TRIM25: variants seen among roughly 807,000 people sequenced by gnomAD.
The protein encoded by TRIM25 is E3 ubiquitin/ISG15 ligase TRIM25.
TRIM25 carries 45 observed loss-of-function variants against 65.2 expected under a neutral mutation model. That is an observed-to-expected ratio of 0.69 (90% CI 0.54 to 0.89). The LOEUF is 0.89. Among genes scored for constraint, TRIM25 ranks in the 40% least tolerant of loss-of-function variants. The probability of loss-of-function intolerance (pLI) is 0.00; values close to 1 mark genes in which losing one functional copy is unlikely to be tolerated. For synonymous variants in TRIM25, 321 were observed against 340.4 expected (o/e 0.94, Z 0.63); for missense variants, 714 against 803.7 (o/e 0.89, Z 1.35).
rs1443454128 is a variant in TRIM25 at position 56,901,530 on chromosome 17, C to T, written c.976G>A (p.Glu326Lys). Residue 326 changes from glutamate (E) to lysine (K), a missense_variant, in exon 4 of 9, where the codon GAG (glutamate) becomes AAG (lysine). Glu to Lys is a moderately conservative substitution (Grantham distance 56). Around this residue, in one of 3 missense-constraint regions of TRIM25, gnomAD observed 413 missense variants for 498.2 expected, o/e 0.83. Transcript: ENST00000316881. The stretch of plus-strand genomic sequence containing the variant: ...ATCAGCTTGTGGTTCAGTTCCACCT[C>T]GGGGATGTAGACTGGCTTTGTTGAG... The part of the protein sequence containing the change: ...GISTKPVYIP[E>K]VELNHKLIKG... The T allele has an allele frequency of 1.2e-6, 2 of 1,614,078 alleles. No individual in the cohort carries two copies. Among genetic ancestry groups the T allele is most frequent in the Non-Finnish European group, 1.7e-6 (2 of 1,180,016 alleles).
chr17:56,908,551 G>A lies in TRIM25; in HGVS notation c.610C>T (p.His204Tyr). The change falls in exon 2 of 9, where the codon CAC (histidine) becomes TAC (tyrosine). Residue 204 changes from histidine to tyrosine, a missense_variant. His to Tyr is a moderately conservative substitution (Grantham distance 83). Coordinates refer to ENST00000316881, the MANE Select transcript of TRIM25 (RefSeq NM_005082.5). Reference protein sequence around the residue: ...ASADLEATLRHKLTVMYSQIN... With the variant: ...ASADLEATLRYKLTVMYSQIN... Reference sequence around the variant, plus strand: ...TGACTGTACATGACAGTTAGTTTGTGCCTCAGGGTGGCCTGCAGGGAAAAC... The same window carrying A: ...TGACTGTACATGACAGTTAGTTTGTACCTCAGGGTGGCCTGCAGGGAAAAC... The A allele has an allele frequency of 1.2e-6, 2 of 1,613,790 alleles. No individual in the cohort carries two copies. Among genetic ancestry groups the A allele is most frequent in the Admixed American group, 3.3e-5 (2 of 60,012 alleles).
Position 56,895,997 on chromosome 17 carries a change from A to G in TRIM25, c.1154-45T>C, listed in dbSNP as rs574341997. ...GATTTAATTTCTTTTAAGGCACAAC[A>G]CAATGACATTTTCAAAATAATAACA... On this transcript the variant is annotated intron_variant, in intron 5 of 8. Transcript: ENST00000316881. The G allele has an allele frequency of 3.8e-6, 6 of 1,570,960 alleles. No homozygotes were observed. The African/African-American group carries it at 5.5e-5, about 14-fold the overall frequency.
chr17:56,902,012 T>C (rs1909421767), intron 3 of TRIM25, among the ~76,000 whole-genome samples: 2 of 152,282 alleles, frequency 1.3e-5, no homozygotes, highest in East Asian at 1.9e-4. Context: ...GGGATGTGGA[T>C]TGCAGCCAGG....
rs1260632100 is a variant in TRIM25 at position 56,904,376 on chromosome 17, C to T, written c.806G>A (p.Arg269Lys). ...AATGGTGTCAAACTTGCTGTTGACC[C>T]TCTTCTCCTCTTCCTTTATCTTCCT... ...STRKIKEEEK[R>K]VNSKFDTIYQ... The change falls in exon 3 of 9, where the codon AGG becomes AAG. Residue 269 changes from arginine (R) to lysine (K), a missense_variant. Arg to Lys is a conservative substitution (Grantham distance 26). This residue lies in a region of TRIM25 where 413 missense variants were observed against 498.2 expected (regional missense o/e 0.83). Transcript: ENST00000316881. The T allele has an allele frequency of 1.2e-6, 2 of 1,614,000 alleles. No individual in the cohort carries two copies. The highest frequency in any genetic ancestry group is 1.7e-6 in the Non-Finnish European group (2 of 1,180,034).
chr17:56,913,424 C>T lies in TRIM25; in HGVS notation c.565G>A (p.Ala189Thr). Residue 189 changes from alanine to threonine, a missense_variant, in exon 1 of 9, where the codon GCG (alanine) becomes ACG (threonine). Coordinates refer to ENST00000316881, the MANE Select transcript of TRIM25 (RefSeq NM_005082.5). The surrounding 1 kb of genome is among the most constrained non-coding windows in gnomAD (Gnocchi z 6.1). ...TCGGCGCTGGCCTGGCTCAGGGACG[C>T]GGGAGAGCAGGTCTTATGCTCCACC... ...CLVEHKTCSPASLSQASADLE... is the reference protein window; with the variant it reads ...CLVEHKTCSPTSLSQASADLE... The T allele has an allele frequency of 1.3e-6, 2 of 1,589,356 alleles. No individual in the cohort carries two copies. Among genetic ancestry groups the T allele is most frequent in the Non-Finnish European group, 1.7e-6 (2 of 1,164,084 alleles).
At chr17:56,893,983 C>T (rs1488771629) in intron 8 of TRIM25, among the ~76,000 whole-genome samples, 1 of 152,146 alleles carries the variant, frequency 6.6e-6, no homozygotes, top group Non-Finnish European at 1.5e-5. Context: ...ACATTGCAAC[C>T]CTGGGCAGCC....
chr17:56,898,844 C>G (rs1909351612), intron 5 of TRIM25: 1 of 396,748 alleles, frequency 2.5e-6, no homozygotes, highest in South Asian at 3.3e-5. Context: ...GCCCAAGGCT[C>G]TGCCCAAGGA....
intron 3 of TRIM25, among the ~76,000 whole-genome samples, chr17:56,902,618 G>C (rs1285261204): frequency 6.6e-6 from 1 of 152,244 alleles, no homozygotes; most frequent in African/African-American, 2.4e-5. Context: ...GCATGAGCCA[G>C]GGATGGATGA....
intron 5 of TRIM25, among the ~76,000 whole-genome samples, chr17:56,896,627 C>T (rs1023747408): frequency 6.6e-6 from 1 of 151,264 alleles, no homozygotes; most frequent in African/African-American, 2.4e-5. Context: ...TGTGTTCTTG[C>T]CACTGCACTC....
At position 56,895,352 on chromosome 17, in the gene TRIM25, G is replaced by A; in HGVS notation, c.1354C>T (p.Leu452Phe). The A allele has an allele frequency of 4.3e-6, 7 of 1,613,924 alleles. No homozygotes were observed. The highest frequency in any genetic ancestry group is 5.9e-6 in the Non-Finnish European group (7 of 1,179,844). Residue 452 changes from leucine to phenylalanine, a missense_variant, in exon 8 of 9, where the codon CTC becomes TTC. Coordinates refer to ENST00000316881, the MANE Select transcript of TRIM25 (RefSeq NM_005082.5). ...ETFLAKSRPE[L>F]LEYYIKVILD... The stretch of plus-strand genomic sequence containing the variant: ...CCCCGAAGCTACTCACACTCCAGGA[G>A]CTCAGGTCTGGACTTGGCCAGGAAG...
At chr17:56,894,174 G>A (rs147894614) in intron 8 of TRIM25, among the ~76,000 whole-genome samples, 15 of 152,342 alleles carry the variant, frequency 9.8e-5, no homozygotes, top group Non-Finnish European at 1.6e-4. Flanking sequence ...TAAACATACA[G>A]CTTTCCGTGC....
rs1033537260 is a variant in TRIM25 at position 56,899,045 on chromosome 17, G to A, written c.1153+70C>T. The stretch of plus-strand genomic sequence containing the variant: ...CACAGTGACTCGGGATGGGCCGGAA[G>A]TGACTTGGCCAGAGCCTGGGGAGGC... On this transcript the variant is annotated intron_variant, in intron 5 of 8. Transcript: ENST00000316881. 8 of 1,576,466 alleles carry A rather than the reference G, an allele frequency of 5.1e-6. No homozygotes were observed. The African/African-American group carries it at 6.7e-5, about 13-fold the overall frequency.
rs746828334 is a variant in TRIM25, at chr17:56,895,455, CAG to C, written c.1265-16_1265-15del. Reference sequence around the variant, plus strand: ...CTTTGGCTGCAGCTGGGAGAGGAAACAGAGAGTGATTTGCAGAACAAACTCAG... The same window carrying C: ...CTTTGGCTGCAGCTGGGAGAGGAAACAGAGTGATTTGCAGAACAAACTCAG... On this transcript the variant is annotated splice_polypyrimidine_tract_variant and intron_variant, in intron 7 of 8. Transcript: ENST00000316881. The C allele has an allele frequency of 1.1e-5, 17 of 1,613,954 alleles. No homozygotes were observed. The highest frequency in any genetic ancestry group is 3.3e-5 in the Admixed American group (2 of 60,004).
rs934814902 is a variant in TRIM25, at chr17:56,889,672, T to C, written c.*2028A>G. On this transcript the variant is annotated 3_prime_UTR_variant, in exon 9 of 9. Transcript: ENST00000316881. ...ATTTGCCAGGGAAGTGGCCTCACTG[T>C]TGCCCTCATTTCTGCAGAAGAGAGC... is the stretch of plus-strand genomic sequence containing the variant. 4.0e-5 allele frequency: 16 copies of C among 398,396 alleles called. No homozygotes were observed. The highest frequency in any genetic ancestry group is 6.6e-5 in the Non-Finnish European group (15 of 226,034). The allele number at this position is 398,396 out of a possible 1,614,324, so 24.7% of individuals were successfully genotyped here.
chr17:56,892,600 T>C (rs1909204777), intron 8 of TRIM25, among the ~76,000 whole-genome samples: 1 of 152,198 alleles, frequency 6.6e-6, no homozygotes, highest in Non-Finnish European at 1.5e-5. Flanking sequence ...TATCCATCTG[T>C]CCATTTATCC....
In TRIM25 at chr17:56,909,684, C is replaced by CAA. The variant is rs34148848; in HGVS notation, c.598-1123_598-1122dup. On this transcript the variant is annotated intron_variant, in intron 1 of 8. Transcript: ENST00000316881. ...TGGGTGACAAAGTGAGACCCTGTCT[C>CAA]AAAAAAAAAAAAAAAAAGATGAAGT... 5.4e-3 allele frequency among the ~76,000 whole-genome samples: 667 copies of CAA among 124,406 alleles called. 4 individuals carry two copies. Among genetic ancestry groups the CAA allele is most frequent in the African/African-American group, 0.01 (339 of 32,528 alleles). 81.6% of individuals were successfully genotyped at this position (124,406 alleles called of 152,430 possible).
intron 5 of TRIM25, among the ~76,000 whole-genome samples, chr17:56,897,556 G>T (rs1200524517): frequency 3.3e-5 from 5 of 152,074 alleles, no homozygotes; most frequent in Admixed American, 3.3e-4. Flanking sequence ...TAGGGCACAG[G>T]CACCTCCCTC....
rs1442989794 is a variant in TRIM25, at chr17:56,899,114, C to A, written c.1153+1G>T. On this transcript the variant is annotated splice_donor_variant, in intron 5 of 8. Coordinates refer to ENST00000316881, the MANE Select transcript of TRIM25 (RefSeq NM_005082.5). LOFTEE classifies it high-confidence loss of function. Reference sequence around the variant, plus strand: ...ATGGAGACAGGGGTGGGGCTACTTACTGGAGACCTTCTTCACAGGGCGTGT... The same window carrying A: ...ATGGAGACAGGGGTGGGGCTACTTAATGGAGACCTTCTTCACAGGGCGTGT... 5 of 1,614,172 alleles carry A rather than the reference C, an allele frequency of 3.1e-6. No homozygotes were observed. Among genetic ancestry groups the A allele is most frequent in the African/African-American group, 1.3e-5 (1 of 75,050 alleles).
chr17:56,912,046 G>GA (rs202108963), intron 1 of TRIM25: 36 of 149,780 alleles, frequency 2.4e-4, no homozygotes, highest in African/African-American at 6.8e-4. Context: ...TAAAAGAAAA[G>GA]AAAAAAAAAG....
Sources: allele counts gnomAD v4.1 joint callset (sites outside exome capture counted in the v4.1 genomes callset), GRCh38; gene constraint gnomAD v4.1.1; regional missense constraint gnomAD v4.1.1; non-coding constraint Gnocchi (gnomAD v3.1); transcripts MANE v1.5; gene names NCBI Gene and HGNC (gene_info 2026-07-23, HGNC 2026-07-21).